SMIM21: variants seen among roughly 807,000 people sequenced by gnomAD.
SMIM21 encodes the protein small integral membrane protein 21.
Under a neutral mutation model 8.6 loss-of-function variants are expected in SMIM21, and 8 were observed. That is an observed-to-expected ratio of 0.93 (90% CI 0.55 to 1.68). The LOEUF (loss-of-function observed/expected upper bound fraction) is 1.68. Among genes scored for constraint, SMIM21 ranks in the 40% most tolerant of loss-of-function variants. The pLI, the probability that SMIM21 is intolerant of heterozygous loss-of-function variation, is 0.00. For missense variants in SMIM21, 132 were observed against 123.0 expected, an observed-to-expected ratio of 1.07 and a Z score of -0.35; for synonymous variants, 43 against 41.7, an observed-to-expected ratio of 1.03 and a Z score of -0.12.
chr18:75,411,644 G>A (rs146204985), intron 2 of SMIM21, among the ~76,000 whole-genome samples: 45 of 152,336 alleles, frequency 3.0e-4, no homozygotes, highest in African/African-American at 1.0e-3. Context: ...CGCTGGCATG[G>A]CATCCAGAAC....
chr18:75,422,078 T>G (rs2024714198), intron 1 of SMIM21, among the ~76,000 whole-genome samples: 1 of 152,130 alleles, frequency 6.6e-6, no homozygotes, highest in Non-Finnish European at 1.5e-5. Context: ...GGGAACCGGC[T>G]TGACCCCCAG....
At chr18:75,427,249 G>A (rs2024773572) in intron 1 of SMIM21, among the ~76,000 whole-genome samples, 186 bp downstream of exon 1, 1 of 152,128 alleles carries the variant, frequency 6.6e-6, no homozygotes, top group East Asian at 1.9e-4. Flanking sequence ...GGAATTGGGA[G>A]GTTGTCTTGG....
intron 1 of SMIM21, among the ~76,000 whole-genome samples, chr18:75,424,097 T>C (rs1331785324): frequency 6.6e-6 from 1 of 152,232 alleles, no homozygotes; most frequent in African/African-American, 2.4e-5. Context: ...CCACCCATAG[T>C]TGTAATCTGA....
Position 75,410,738 on chromosome 18 carries a change from A to T in SMIM21, c.*126T>A. On this transcript the variant is annotated 3_prime_UTR_variant, in exon 3 of 3. Coordinates refer to ENST00000579022, the MANE Select transcript of SMIM21 (RefSeq NM_001037331.3). ...TACACGTTCTTCATTCTCTCTGTGG[A>T]GCTCCTTTTAAAAAGTGAGCAATAA... 1 of 1,516,308 alleles carries T rather than the reference A, an allele frequency of 6.6e-7. No individual in the cohort carries two copies. The highest frequency in any genetic ancestry group is 8.8e-7 in the Non-Finnish European group (1 of 1,137,212). The allele number at this position is 1,516,308 out of a possible 1,614,324, so 93.9% of individuals were successfully genotyped here. A position where few individuals can be genotyped will look rare whatever the true frequency, so the allele number is the denominator to read the frequency against.
chr18:75,411,013 TA>T, intron 2 of SMIM21, 104 bp from the exon 3 acceptor site: 1 of 1,470,784 alleles, frequency 6.8e-7, no homozygotes, highest in Non-Finnish European at 9.2e-7. Flanking sequence ...GAACACATTT[TA>T]AAATTTAATT....
intron 1 of SMIM21, among the ~76,000 whole-genome samples, chr18:75,420,942 C>T (rs947340777): frequency 6.6e-6 from 1 of 152,096 alleles, no homozygotes; most frequent in Admixed American, 6.5e-5. Context: ...AGTACTTCCA[C>T]AGGAAAACTA....
At chr18:75,418,184 G>A (rs1425299872) in intron 2 of SMIM21, 3 of 398,378 alleles carry the variant, frequency 7.5e-6, no homozygotes, top group Non-Finnish European at 4.4e-6. Flanking sequence ...GAAAGAAGGA[G>A]TTTTTTACCT....
chr18:75,418,657 C>T (rs1328039600), intron 2 of SMIM21, 129 bp downstream of exon 2: 12 of 902,368 alleles, frequency 1.3e-5, no homozygotes, highest in Non-Finnish European at 2.0e-5. Context: ...CATGTGCACT[C>T]TCCTAGGTGG....
At chr18:75,412,356 A>G (rs968877099) in intron 2 of SMIM21, 3 of 152,220 alleles carry the variant, frequency 2.0e-5, no homozygotes, top group African/African-American at 2.4e-5. Context: ...AAAACAATCA[A>G]TTGCTATATA....
chr18:75,427,536 G>C lies in SMIM21; in HGVS notation c.28C>G (p.Pro10Ala). ...CCCAGCTGTGCTATAGGGAATCGGG[G>C]AGGAGCTGTGGACACATACTGGTCC... The part of the protein sequence containing the change: MDQYVSTAP[P>A]RFPIAQLGTF... The change falls in exon 1 of 3, where the codon CCC becomes GCC. Residue 10 changes from proline (P) to alanine (A), a missense_variant. By Grantham distance (27) the Pro-to-Ala change is conservative (BLOSUM62 -1). Coordinates refer to ENST00000579022, the MANE Select transcript of SMIM21 (RefSeq NM_001037331.3). 6.2e-7 allele frequency: 1 copy of C among 1,613,424 alleles called. No homozygotes were observed. Among genetic ancestry groups the C allele is most frequent in the African/African-American group, 1.3e-5 (1 of 75,046 alleles).
At position 75,410,153 on chromosome 18, in the gene SMIM21, T is replaced by C. The variant is rs1368080444; in HGVS notation, c.*711A>G. On this transcript the variant is annotated 3_prime_UTR_variant, in exon 3 of 3. Transcript: ENST00000579022. ...GTCAGCCACAATATAAGAAAACTCA[T>C]CTGCCTCGACTTGTTGCCCGTCTTC... is the stretch of plus-strand genomic sequence containing the variant. The C allele has an allele frequency of 6.5e-6, 1 of 152,692 alleles. No individual in the cohort carries two copies. The highest frequency in any genetic ancestry group is 6.5e-5 in the Admixed American group (1 of 15,284). 9.5% of individuals were successfully genotyped at this position (152,692 alleles called of 1,614,324 possible).
chr18:75,427,483 C>G lies in SMIM21; in HGVS notation c.81G>C (p.Met27Ile). 1 of 1,614,094 alleles carries G rather than the reference C, an allele frequency of 6.2e-7. No individual in the cohort carries two copies. The highest frequency in any genetic ancestry group is 8.5e-7 in the Non-Finnish European group (1 of 1,179,984). ...LGTFKQDSAG[M>I]GRIFKGNLLQ... Reference sequence around the variant, plus strand: ...GCAAATTCCCCTTGAATATCCGTCCCATTCCTGCAGAGTCTTGTTTAAATG... The same window carrying G: ...GCAAATTCCCCTTGAATATCCGTCCGATTCCTGCAGAGTCTTGTTTAAATG... Residue 27 changes from methionine to isoleucine, a missense_variant, in exon 1 of 3, where the codon ATG (methionine) becomes ATC (isoleucine). Met to Ile is a conservative substitution (Grantham distance 10, BLOSUM62 1). Coordinates refer to ENST00000579022, the MANE Select transcript of SMIM21 (RefSeq NM_001037331.3).
chr18:75,423,707 CT>C (rs1277064552), intron 1 of SMIM21, among the ~76,000 whole-genome samples: 6 of 152,244 alleles, frequency 3.9e-5, no homozygotes, highest in Non-Finnish European at 7.3e-5. Flanking sequence ...GCCAATAGCA[CT>C]GACTCAAGCC....
Position 75,410,649 on chromosome 18 carries a change from T to C in SMIM21, c.*215A>G. 7.5e-7 allele frequency: 1 copy of C among 1,333,056 alleles called. No homozygotes were observed. Among genetic ancestry groups the C allele is most frequent in the South Asian group, 1.9e-5 (1 of 52,750 alleles). 82.6% of individuals were successfully genotyped at this position (1,333,056 alleles called of 1,614,324 possible). A position where few individuals can be genotyped will look rare whatever the true frequency, so the allele number is the denominator to read the frequency against. Reference sequence around the variant, plus strand: ...GCATCTGCAGCTCTCCTCCGGAATATTCCTGAACAGAAAAAGGAAGAGTGC... The same window carrying C: ...GCATCTGCAGCTCTCCTCCGGAATACTCCTGAACAGAAAAAGGAAGAGTGC... On this transcript the variant is annotated 3_prime_UTR_variant, in exon 3 of 3. Coordinates refer to ENST00000579022, the MANE Select transcript of SMIM21 (RefSeq NM_001037331.3).
At chr18:75,416,027 A>G (rs1236307851) in intron 2 of SMIM21, 1 of 152,158 alleles carries the variant, frequency 6.6e-6, no homozygotes, top group African/African-American at 2.4e-5. Flanking sequence ...TACCTTTATA[A>G]TGTTTTTATT....
chr18:75,426,555 C>T (rs1001748637), intron 1 of SMIM21, among the ~76,000 whole-genome samples: 14 of 146,050 alleles, frequency 9.6e-5, no homozygotes, highest in African/African-American at 2.8e-4. Flanking sequence ...GTGATCTCCT[C>T]GCCTCGGCCT....
chr18:75,415,411 G>A (rs2024632839), intron 2 of SMIM21, among the ~76,000 whole-genome samples: 1 of 152,232 alleles, frequency 6.6e-6, no homozygotes, highest in Non-Finnish European at 1.5e-5. Context: ...CCAGCCAGAG[G>A]GAGAGGTCTC....
intron 1 of SMIM21, among the ~76,000 whole-genome samples, chr18:75,419,640 ATTC>A (rs1301166219): frequency 1.3e-5 from 2 of 152,222 alleles, no homozygotes; most frequent in Non-Finnish European, 2.9e-5. Context: ...TTTATTTAGC[ATTC>A]TTCTTCTTTC....
At chr18:75,419,361 AT>A (rs978773487) in intron 1 of SMIM21, among the ~76,000 whole-genome samples, 18 of 150,214 alleles carry the variant, frequency 1.2e-4, no homozygotes, top group South Asian at 2.1e-4. Context: ...TCACTGACTG[AT>A]TTTTTTTTTA....
Sources: allele counts gnomAD v4.1 joint callset (sites outside exome capture counted in the v4.1 genomes callset), GRCh38; gene constraint gnomAD v4.1.1; transcripts MANE v1.5; gene names NCBI Gene and HGNC (gene_info 2026-07-23, HGNC 2026-07-21).